The following ULK3 variants were observed in gnomAD, a reference collection of about 807,000 sequenced individuals.
ULK3 encodes serine/threonine-protein kinase ULK3.
In ULK3, 54 loss-of-function variants were observed where a neutral mutation model predicts 69.4. The ratio of observed to expected loss-of-function variants is 0.78; its 90% confidence interval spans 0.63 to 0.98. The LOEUF is 0.98. Among genes scored for constraint, ULK3 ranks in the 50% least tolerant of loss-of-function variants. The pLI, the probability that ULK3 is intolerant of heterozygous loss-of-function variation, is 0.00. For synonymous variants in ULK3, 240 were observed against 254.5 expected (o/e 0.94, Z 0.54); for missense variants, 558 against 627.7 (o/e 0.89, Z 1.19).
chr15:74,837,741 A>T lies in ULK3; in HGVS notation c.1335+10T>A, dbSNP rs2064074163. The T allele has an allele frequency of 2.5e-6, 4 of 1,592,998 alleles. No individual in the cohort carries two copies. Among genetic ancestry groups the T allele is most frequent in the Non-Finnish European group, 3.4e-6 (4 of 1,169,266 alleles). On this transcript the variant is annotated intron_variant, in intron 14 of 15. Coordinates refer to ENST00000440863, the MANE Select transcript of ULK3 (RefSeq NM_001099436.4). ...AGACCCTAGCCCCAGCGTGGCCCCC[A>T]TGTGCCCACCTTGACCTGCTCCTTC...
chr15:74,837,971 G>T, intron 13 of ULK3, 173 bp from the exon 14 acceptor site: 1 of 1,233,632 alleles, frequency 8.1e-7, no homozygotes. Flanking sequence ...CAGACTTTTT[G>T]CTGCTGGGTT....
chr15:74,838,008 G>A, intron 13 of ULK3, 144 bp downstream of exon 13: 3 of 1,361,904 alleles, frequency 2.2e-6, no homozygotes, highest in Admixed American at 2.3e-5. Flanking sequence ...CCCTGTCTGA[G>A]CACCCCAGCC....
intron 4 of ULK3, 26 bp from the exon 5 acceptor site, chr15:74,840,667 G>A: frequency 6.5e-7 from 1 of 1,534,800 alleles, no homozygotes; most frequent in East Asian, 2.3e-5. Context: ...GAGGCAGCAG[G>A]GCTTGAATTC....
rs755682606 is a variant in ULK3 at position 74,836,750 on chromosome 15, T to C, written c.*478A>G. On this transcript the variant is annotated 3_prime_UTR_variant, in exon 16 of 16. Transcript: ENST00000440863. This position sits in a 1 kb window ranked among gnomAD's most constrained non-coding sequence, Gnocchi z 4.0. ...TGCATACTGTGGGGAGGGTGGTCCC[T>C]GAGGGGTGTTGGAGTGCCCCATTCC... 108 of 156,508 alleles carry C rather than the reference T, an allele frequency of 6.9e-4. 1 individual carries two copies. Among genetic ancestry groups the C allele is most frequent in the Admixed American group, 1.6e-3 (25 of 16,068 alleles). The allele number at this position is 156,508 out of a possible 1,614,324, so 9.7% of individuals were successfully genotyped here.
At chr15:74,840,410 C>T in intron 5 of ULK3, 88 bp downstream of exon 5, 1 of 1,566,994 alleles carries the variant, frequency 6.4e-7, no homozygotes, top group Non-Finnish European at 8.7e-7. Flanking sequence ...AGTCAGTTTT[C>T]ATCAGAACCC....
intron 3 of ULK3, 84 bp from the exon 4 acceptor site, chr15:74,841,593 C>T (rs1167398399): frequency 2.8e-6 from 3 of 1,089,990 alleles, no homozygotes; most frequent in Non-Finnish European, 4.1e-6. Context: ...TCTGCCTCCT[C>T]AAGCCTGCAC....
In ULK3 at chr15:74,842,763, A is replaced by C; in HGVS notation, c.102+241T>G. The C allele has an allele frequency of 1.3e-6, 2 of 1,498,658 alleles. No individual in the cohort carries two copies. The highest frequency in any genetic ancestry group is 1.8e-6 in the Non-Finnish European group (2 of 1,123,732). 92.8% of individuals were successfully genotyped at this position (1,498,658 alleles called of 1,614,324 possible). Reference sequence around the variant, plus strand: ...CTGGCTCCAGTCCCAGACTCCTCCCAGCCCACCAGGTAACCTGTTTTGAGC... The same window carrying C: ...CTGGCTCCAGTCCCAGACTCCTCCCCGCCCACCAGGTAACCTGTTTTGAGC... On this transcript the variant is annotated intron_variant, in intron 1 of 15. Transcript: ENST00000440863. This position sits in a 1 kb window ranked among gnomAD's most constrained non-coding sequence, Gnocchi z 4.9.
In ULK3 at chr15:74,838,176, C is replaced by T; in HGVS notation, c.1263G>A (p.Arg421=). Residue 421 remains arginine, a synonymous_variant, in exon 13 of 16, where the codon CGG becomes CGA. Transcript: ENST00000440863. ...CCTCAGTGTGAAGCAGCTCCCGCCT[C>T]CGGCCCGGGGGCTCCGCTGTAAAGA... ...LLLLAAEPPG[R]RRELLHTEVQ... 6.4e-7 allele frequency: 1 copy of T among 1,563,364 alleles called. No individual in the cohort carries two copies. The highest frequency in any genetic ancestry group is 8.7e-7 in the Non-Finnish European group (1 of 1,154,446).
rs746960562 is a variant in ULK3 at position 74,838,183 on chromosome 15, G to C, written c.1256C>G (p.Pro419Arg). Residue 419 changes from proline (P) to arginine (R), a missense_variant, in exon 13 of 16, where the codon CCG becomes CGG. Coordinates refer to ENST00000440863, the MANE Select transcript of ULK3 (RefSeq NM_001099436.4). ...GTGAAGCAGCTCCCGCCTCCGGCCC[G>C]GGGGCTCCGCTGTAAAGAGAGGGTG... ...ELLLLLAAEPPGRRRELLHTE... is the reference protein window; with the variant it reads ...ELLLLLAAEPRGRRRELLHTE... The C allele has an allele frequency of 3.8e-6, 6 of 1,564,788 alleles. No individual in the cohort carries two copies. The African/African-American group carries it at 8.2e-5, about 21-fold the overall frequency.
chr15:74,842,651 C>T lies in ULK3; in HGVS notation c.103-231G>A, dbSNP rs1254283506. 6.5e-7 allele frequency: 1 copy of T among 1,536,210 alleles called. No homozygotes were observed. The highest frequency in any genetic ancestry group is 2.0e-5 in the Admixed American group (1 of 51,034). ...CAGCCTGGTCTTCTCCAACCCTCGGCTAGCTGATCCATTTCTTTGCATTCT... is the reference window on the plus strand; with the variant it reads ...CAGCCTGGTCTTCTCCAACCCTCGGTTAGCTGATCCATTTCTTTGCATTCT... On this transcript the variant is annotated intron_variant, in intron 1 of 15. Coordinates refer to ENST00000440863, the MANE Select transcript of ULK3 (RefSeq NM_001099436.4). This position sits in a 1 kb window ranked among gnomAD's most constrained non-coding sequence, Gnocchi z 4.9.
rs2064296007 is a variant in ULK3, at chr15:74,842,521, C to T, written c.103-101G>A. The stretch of plus-strand genomic sequence containing the variant: ...TTCCCTCTGTTCCCCCACCCCGCCC[C>T]TCCCCGGGTCTACCTACTGCACACC... On this transcript the variant is annotated intron_variant, in intron 1 of 15. Coordinates refer to ENST00000440863, the MANE Select transcript of ULK3 (RefSeq NM_001099436.4). This position sits in a 1 kb window ranked among gnomAD's most constrained non-coding sequence, Gnocchi z 4.9. 2 of 1,600,124 alleles carry T rather than the reference C, an allele frequency of 1.2e-6. No individual in the cohort carries two copies. Among genetic ancestry groups the T allele is most frequent in the Middle Eastern group, 1.6e-4 (1 of 6,078 alleles).
chr15:74,842,357 C>T lies in ULK3; in HGVS notation c.166G>A (p.Val56Met). The change falls in exon 2 of 16, where the codon GTG becomes ATG. Residue 56 changes from valine to methionine, a missense_variant. Coordinates refer to ENST00000440863, the MANE Select transcript of ULK3 (RefSeq NM_001099436.4). The surrounding 1 kb of genome is among the most constrained non-coding windows in gnomAD (Gnocchi z 4.9). ...VAKKSLNKAS[V>M]ENLLTEIEIL... Reference sequence around the variant, plus strand: ...TCAATCTCCGTGAGGAGGTTCTCCACCGATGCCTTGTTCAGACTTTTCTTG... The same window carrying T: ...TCAATCTCCGTGAGGAGGTTCTCCATCGATGCCTTGTTCAGACTTTTCTTG... The T allele has an allele frequency of 6.2e-7, 1 of 1,614,026 alleles. No homozygotes were observed. Among genetic ancestry groups the T allele is most frequent in the Non-Finnish European group, 8.5e-7 (1 of 1,179,898 alleles).
intron 15 of ULK3, 51 bp downstream of exon 15, chr15:74,837,318 C>G: frequency 1.2e-6 from 2 of 1,612,846 alleles, no homozygotes; most frequent in Admixed American, 1.7e-5. Flanking sequence ...CCCAGGGCCC[C>G]CAGCCCTCAC....
intron 13 of ULK3, 116 bp from the exon 14 acceptor site, chr15:74,837,914 C>T: frequency 8.0e-7 from 1 of 1,252,856 alleles, no homozygotes; most frequent in Non-Finnish European, 1.1e-6. Flanking sequence ...ATCAGAACAA[C>T]TTGCCTCCTG....
In ULK3 at chr15:74,837,081, G is replaced by A; in HGVS notation, c.*147C>T. ...TGCAGAGTAACCTGAGGGAGGCTGG[G>A]GACTCTGGGATATGGGGGTCTCAGC... On this transcript the variant is annotated 3_prime_UTR_variant, in exon 16 of 16. Transcript: ENST00000440863. The A allele has an allele frequency of 8.9e-7, 1 of 1,122,380 alleles. No individual in the cohort carries two copies. The highest frequency in any genetic ancestry group is 1.8e-5 in the South Asian group (1 of 56,646). 69.5% of individuals were successfully genotyped at this position (1,122,380 alleles called of 1,614,324 possible).
chr15:74,842,028 G>C lies in ULK3; in HGVS notation c.364+47C>G. On this transcript the variant is annotated intron_variant, in intron 3 of 15. Transcript: ENST00000440863. The surrounding 1 kb of genome is among the most constrained non-coding windows in gnomAD (Gnocchi z 4.9). ...TGGGGGAGGGGTGGGATGGTGGGGG[G>C]CAGAGAACAAGGGACAGAGTGTCAG... is the stretch of plus-strand genomic sequence containing the variant. The C allele has an allele frequency of 6.2e-7, 1 of 1,610,900 alleles. No homozygotes were observed. The highest frequency in any genetic ancestry group is 1.3e-5 in the African/African-American group (1 of 75,038).
intron 6 of ULK3, 50 bp from the exon 7 acceptor site, chr15:74,839,763 C>T: frequency 6.8e-7 from 1 of 1,474,798 alleles, no homozygotes; most frequent in Non-Finnish European, 8.9e-7. Flanking sequence ...TCCTCCACCC[C>T]TACCCCTAGC....
Position 74,843,121 on chromosome 15 carries a change from C to T in ULK3, c.-16G>A, listed in dbSNP as rs974158138. 8.3e-5 allele frequency: 105 copies of T among 1,265,148 alleles called. No homozygotes were observed. The highest frequency in any genetic ancestry group is 9.8e-5 in the Non-Finnish European group (98 of 1,001,164). The allele number at this position is 1,265,148 out of a possible 1,614,324, so 78.4% of individuals were successfully genotyped here. A position where few individuals can be genotyped will look rare whatever the true frequency, so the allele number is the denominator to read the frequency against. On this transcript the variant is annotated 5_prime_UTR_variant, in exon 1 of 16. Transcript: ENST00000440863. Reference sequence around the variant, plus strand: ...GCCCCGCCATTCCGGCCGCCTGCGCCCGCGCGGGCGCTTCCTCGCTGCGGG... The same window carrying T: ...GCCCCGCCATTCCGGCCGCCTGCGCTCGCGCGGGCGCTTCCTCGCTGCGGG...
chr15:74,841,992 G>A, intron 3 of ULK3, 83 bp downstream of exon 3: 1 of 1,595,118 alleles, frequency 6.3e-7, no homozygotes, highest in Non-Finnish European at 8.5e-7. Context: ...TGCGTGCCAA[G>A]GCTCTAAGCC....
Sources: gnomAD v4.1 joint callset for allele counts on GRCh38, gnomAD v4.1.1 for gene constraint, Gnocchi (gnomAD v3.1) non-coding constraint, MANE v1.5 for transcripts, NCBI Gene and HGNC (gene_info 2026-07-23, HGNC 2026-07-21) for gene names.